Variants in PIP5K1B observed in about 807,000 individuals in gnomAD.
PIP5K1B encodes phosphatidylinositol 4-phosphate 5-kinase type-1 beta.
PIP5K1B carries 42 observed loss-of-function variants against 67.0 expected under a neutral mutation model. The observed-to-expected ratio is 0.63, with a 90% CI of 0.49 to 0.81. PIP5K1B has a LOEUF of 0.81. PIP5K1B is among the 30% of genes least tolerant of loss of function. The pLI is 0.00. For missense variants in PIP5K1B, 459 were observed against 646.3 expected, an observed-to-expected ratio of 0.71 and a Z score of 3.14; for synonymous variants, 214 against 231.4, an observed-to-expected ratio of 0.92 and a Z score of 0.68.
rs754562885 is a variant in PIP5K1B, at chr9:68,934,986, A to G, written c.1298A>G (p.Lys433Arg). The change falls in exon 13 of 16, where the codon AAG (lysine) becomes AGG (arginine). Residue 433 changes from lysine to arginine, a missense_variant. Lys to Arg is a conservative substitution (Grantham distance 26). Around this residue, in one of 2 missense-constraint regions of PIP5K1B, gnomAD observed 169 missense variants for 171.9 expected, o/e 0.98. Coordinates refer to ENST00000265382, the MANE Select transcript of PIP5K1B (RefSeq NM_003558.4). ...GTGTCCTCAATTAGCCAGGAATGGAAGGATGAGAAGCGGGATTTGCTGACT... is the reference window on the plus strand; with the variant it reads ...GTGTCCTCAATTAGCCAGGAATGGAGGGATGAGAAGCGGGATTTGCTGACT... ...EIVSSISQEWKDEKRDLLTEG... is the reference protein window; with the variant it reads ...EIVSSISQEWRDEKRDLLTEG... The G allele has an allele frequency of 1.2e-6, 2 of 1,613,796 alleles. No homozygotes were observed. Among genetic ancestry groups the G allele is most frequent in the Non-Finnish European group, 1.7e-6 (2 of 1,179,760 alleles).
intron 2 of PIP5K1B, among the ~76,000 whole-genome samples, chr9:68,755,430 C>T (rs925777842): frequency 6.6e-5 from 10 of 152,190 alleles, no homozygotes; most frequent in African/African-American, 2.2e-4. Flanking sequence ...AAAATGTATT[C>T]ATGTACTTTC....
intron 4 of PIP5K1B, among the ~76,000 whole-genome samples, chr9:68,834,052 A>G (rs1265845764): frequency 6.6e-6 from 1 of 152,234 alleles, no homozygotes; most frequent in East Asian, 1.9e-4. Context: ...GTTGCCTCCT[A>G]AGATCCTTTT....
chr9:69,008,122 T>C (rs1466834591), intron 15 of PIP5K1B, among the ~76,000 whole-genome samples: 1 of 152,222 alleles, frequency 6.6e-6, no homozygotes, highest in East Asian at 1.9e-4. Context: ...AGATCTAATA[T>C]ACCACAGCAC....
At chr9:68,879,050 TAAAC>T (rs1824043648) in intron 6 of PIP5K1B, among the ~76,000 whole-genome samples, 1 of 152,126 alleles carries the variant, frequency 6.6e-6, no homozygotes, top group East Asian at 1.9e-4. Context: ...GCAACTCAAA[TAAAC>T]AAGCTTCTAA....
At chr9:68,788,279 A>G in intron 2 of PIP5K1B, 3 of 582,508 alleles carry the variant, frequency 5.2e-6, no homozygotes, top group South Asian at 1.7e-5. Flanking sequence ...AAAAGTGTTC[A>G]TGACTTTTCC....
intron 15 of PIP5K1B, among the ~76,000 whole-genome samples, chr9:68,999,659 C>T (rs1467182050): frequency 6.6e-6 from 1 of 151,980 alleles, no homozygotes; most frequent in South Asian, 2.1e-4. Context: ...TTCTTGTATG[C>T]TAATGTAAGG....
At chr9:68,993,917 C>T (rs1302853117) in intron 15 of PIP5K1B, among the ~76,000 whole-genome samples, 1 of 152,058 alleles carries the variant, frequency 6.6e-6, no homozygotes, top group Non-Finnish European at 1.5e-5. Flanking sequence ...ATATAAGTCT[C>T]ACGTCCATCT....
At chr9:68,870,008 T>C (rs1007075369) in intron 5 of PIP5K1B, among the ~76,000 whole-genome samples, 2 of 152,200 alleles carry the variant, frequency 1.3e-5, no homozygotes, top group African/African-American at 4.8e-5. Flanking sequence ...CAAAACTCTT[T>C]ATGTCTTTGT....
chr9:68,955,906 G>A (rs2132713773), intron 14 of PIP5K1B, among the ~76,000 whole-genome samples: 1 of 152,244 alleles, frequency 6.6e-6, no homozygotes, highest in East Asian at 1.9e-4. Flanking sequence ...TCAGCCAAGA[G>A]CTTTACAGAT....
At chr9:68,759,587 A>G (rs1051338747) in intron 2 of PIP5K1B, among the ~76,000 whole-genome samples, 4 of 152,146 alleles carry the variant, frequency 2.6e-5, no homozygotes, top group Admixed American at 2.0e-4. Context: ...CCTAAATCCA[A>G]CCATATCAAA....
chr9:69,003,528 C>T (rs917540859), intron 15 of PIP5K1B, among the ~76,000 whole-genome samples: 1 of 151,868 alleles, frequency 6.6e-6, no homozygotes, highest in Non-Finnish European at 1.5e-5. Context: ...TCATGGAGAC[C>T]TCACAGGACT....
rs757661370 is a variant in PIP5K1B, at chr9:68,825,051, A to G, written c.69+2368A>G. Among the ~76,000 whole-genome samples the G allele has an allele frequency of 2.0e-5, 3 of 152,236 alleles. No homozygotes were observed. The South Asian group carries it at 6.2e-4, about 31-fold the overall frequency. ...TAAGTGAGACATTATTCCCCAGTAT[A>G]ATTTGAGCATTATTATTAAACATAT... On this transcript the variant is annotated intron_variant, in intron 4 of 15. Transcript: ENST00000265382.
intron 15 of PIP5K1B, among the ~76,000 whole-genome samples, chr9:69,000,236 G>T (rs1830763120): frequency 6.6e-6 from 1 of 152,226 alleles, no homozygotes; most frequent in Non-Finnish European, 1.5e-5. Context: ...ATCTGGGGTG[G>T]AGAAAGCCAT....
intron 14 of PIP5K1B, among the ~76,000 whole-genome samples, chr9:68,944,351 G>C (rs1827700707): frequency 6.6e-6 from 1 of 152,218 alleles, no homozygotes; most frequent in South Asian, 2.1e-4. Flanking sequence ...TAATGTTGTA[G>C]AAATAGGTTA....
chr9:68,909,972 G>A (rs1427740583), intron 8 of PIP5K1B, among the ~76,000 whole-genome samples: 3 of 152,100 alleles, frequency 2.0e-5, no homozygotes, highest in African/African-American at 7.2e-5. Context: ...GTATTGAATG[G>A]GTTAATTTCC....
chr9:68,761,738 C>G (rs745757771), intron 2 of PIP5K1B, among the ~76,000 whole-genome samples: 13 of 152,064 alleles, frequency 8.5e-5, no homozygotes, highest in Non-Finnish European at 1.9e-4. Flanking sequence ...TCTTGTGCCT[C>G]CCTCTTAAAA....
intron 1 of PIP5K1B, among the ~76,000 whole-genome samples, chr9:68,741,841 A>G (rs1829025531): frequency 6.6e-6 from 1 of 152,032 alleles, no homozygotes; most frequent in Non-Finnish European, 1.5e-5. Context: ...CTGCTGATAG[A>G]GTCCTTATCA....
chr9:68,877,062 A>T (rs1202224915), intron 6 of PIP5K1B, among the ~76,000 whole-genome samples: 1 of 152,200 alleles, frequency 6.6e-6, no homozygotes, highest in African/African-American at 2.4e-5. Context: ...ATTCTAACAG[A>T]TATGTTATAA....
rs370667386 is a variant in PIP5K1B, at chr9:68,781,004, A to G, written c.-85-37457A>G. Reference sequence around the variant, plus strand: ...CCCAAGCGGCTTCTCCATTTATTCCACTAGATGAACTTTCGTCTAAGTGAT... The same window carrying G: ...CCCAAGCGGCTTCTCCATTTATTCCGCTAGATGAACTTTCGTCTAAGTGAT... On this transcript the variant is annotated intron_variant, in intron 2 of 15. Transcript: ENST00000265382. 8.1e-4 allele frequency: 1,302 copies of G among 1,613,296 alleles called. 3 individuals carry two copies. The highest frequency in any genetic ancestry group is 1.0e-3 in the Non-Finnish European group (1,177 of 1,179,482).
Sources: allele counts gnomAD v4.1 joint callset (sites outside exome capture counted in the v4.1 genomes callset), GRCh38; gene constraint gnomAD v4.1.1; regional missense constraint gnomAD v4.1.1; transcripts MANE v1.5; gene names NCBI Gene and HGNC (gene_info 2026-07-23, HGNC 2026-07-21).